Variants in SLC13A1 observed in about 807,000 individuals in gnomAD.
SLC13A1 encodes solute carrier family 13 member 1, also known as Na(+)/sulfate cotransporter.
Under a neutral mutation model 70.0 loss-of-function variants are expected in SLC13A1, and 65 were observed. That is an observed-to-expected ratio of 0.93 (90% CI 0.76 to 1.14). The LOEUF is 1.14. Among genes scored for constraint, SLC13A1 ranks in the 50% most tolerant of loss-of-function variants. The pLI, the probability that SLC13A1 is intolerant of heterozygous loss-of-function variation, is 0.00. For missense variants in SLC13A1, 726 were observed against 717.8 expected (o/e 1.01, Z -0.13); for synonymous variants, 275 against 250.5 (o/e 1.10, Z -0.92).
At chr7:123,175,888 T>G (rs924691075) in intron 2 of SLC13A1, among the ~76,000 whole-genome samples, 13 of 152,206 alleles carry the variant, frequency 8.5e-5, no homozygotes, top group African/African-American at 3.1e-4. Context: ...TATGAGACAT[T>G]CTTGCTGTTA....
In SLC13A1 at chr7:123,168,490, T is replaced by G; in HGVS notation, c.611+14A>C. ...ATTTGGAAAAATCCCAATCAAAATGTCAGTATTCCTTACCCTGGAACTGGT... is the reference window on the plus strand; with the variant it reads ...ATTTGGAAAAATCCCAATCAAAATGGCAGTATTCCTTACCCTGGAACTGGT... On this transcript the variant is annotated intron_variant, in intron 5 of 14. Coordinates refer to ENST00000194130, the MANE Select transcript of SLC13A1 (RefSeq NM_022444.4). 1 of 1,605,356 alleles carries G rather than the reference T, an allele frequency of 6.2e-7. No individual in the cohort carries two copies. The highest frequency in any genetic ancestry group is 8.5e-7 in the Non-Finnish European group (1 of 1,174,054).
chr7:123,123,008 A>C (rs1793435841), intron 12 of SLC13A1, 118 bp downstream of exon 12: 8 of 775,762 alleles, frequency 1.0e-5, no homozygotes, highest in Middle Eastern at 4.7e-4. Context: ...ATAGCTAGCA[A>C]AATTTGCAAC....
rs192534087 is a variant in SLC13A1, at chr7:123,117,080, G to A, written c.1650+391C>T. Among the ~76,000 whole-genome samples, 640 of 152,230 alleles carry A rather than the reference G, an allele frequency of 4.2e-3. 2 individuals carry two copies. Among genetic ancestry groups the A allele is most frequent in the Non-Finnish European group, 6.9e-3 (468 of 68,002 alleles). Reference sequence around the variant, plus strand: ...TCAGAGGAAATGTTGGTGCATAAATGTTTGTGATAGAAAATCACAGTGTTG... The same window carrying A: ...TCAGAGGAAATGTTGGTGCATAAATATTTGTGATAGAAAATCACAGTGTTG... On this transcript the variant is annotated intron_variant, in intron 14 of 14. Transcript: ENST00000194130.
chr7:123,116,708 G>T (rs1220604460), intron 14 of SLC13A1, among the ~76,000 whole-genome samples: 1 of 152,152 alleles, frequency 6.6e-6, no homozygotes, highest in African/African-American at 2.4e-5. Flanking sequence ...GAATGTTTAT[G>T]TTGCAGGAGC....
chr7:123,124,593 G>T (rs891171238), intron 11 of SLC13A1, among the ~76,000 whole-genome samples: 2 of 152,026 alleles, frequency 1.3e-5, no homozygotes, highest in African/African-American at 2.4e-5. Flanking sequence ...CAAATTAGTT[G>T]TCCCACATTG....
intron 7 of SLC13A1, among the ~76,000 whole-genome samples, chr7:123,139,395 C>T (rs752663135): frequency 2.6e-5 from 4 of 151,808 alleles, no homozygotes; most frequent in Non-Finnish European, 5.9e-5. Flanking sequence ...TTTGGCTATT[C>T]TGGTTCTTTT....
chr7:123,168,147 GA>G (rs1795134006), intron 6 of SLC13A1, among the ~76,000 whole-genome samples: 1 of 152,134 alleles, frequency 6.6e-6, no homozygotes. Flanking sequence ...GGTAAAAAGA[GA>G]AAATAATGAT....
intron 1 of SLC13A1, among the ~76,000 whole-genome samples, chr7:123,199,152 C>G (rs1241268115): frequency 6.6e-6 from 1 of 152,092 alleles, no homozygotes; most frequent in South Asian, 2.1e-4. Context: ...TAAATGTTTG[C>G]TGATTCAAAT....
At position 123,183,409 on chromosome 7, in the gene SLC13A1, A is replaced by T. The variant is rs138467065; in HGVS notation, c.100-2308T>A. Among the ~76,000 whole-genome samples the T allele has an allele frequency of 8.4e-3, 1,273 of 152,156 alleles. 19 individuals are homozygous for T. The highest frequency in any genetic ancestry group is 0.028 in the African/African-American group (1,182 of 41,502). On this transcript the variant is annotated intron_variant, in intron 1 of 14. Coordinates refer to ENST00000194130, the MANE Select transcript of SLC13A1 (RefSeq NM_022444.4). Reference sequence around the variant, plus strand: ...TCTCCAGGGTCACCTTTAGAGATTGACTTGTATTTTTTCAGTTCTATACAG... The same window carrying T: ...TCTCCAGGGTCACCTTTAGAGATTGTCTTGTATTTTTTCAGTTCTATACAG...
At chr7:123,167,294 G>A (rs1795109090) in intron 6 of SLC13A1, among the ~76,000 whole-genome samples, 1 of 151,964 alleles carries the variant, frequency 6.6e-6, no homozygotes, top group African/African-American at 2.4e-5. Context: ...TGTTTTATAG[G>A]AATTATTTCT....
intron 7 of SLC13A1, among the ~76,000 whole-genome samples, chr7:123,134,799 G>A (rs1341834662): frequency 6.6e-6 from 1 of 152,156 alleles, no homozygotes; most frequent in Non-Finnish European, 1.5e-5. Flanking sequence ...AGTGCTTGTG[G>A]AAAAAACCCA....
At position 123,199,846 on chromosome 7, in the gene SLC13A1, A is replaced by C; in HGVS notation, c.99+2T>G. On this transcript the variant is annotated splice_donor_variant, in intron 1 of 14. Coordinates refer to ENST00000194130, the MANE Select transcript of SLC13A1 (RefSeq NM_022444.4). LOFTEE classifies it high-confidence loss of function. ...ACCAGTCTGTTCTCCAGGTTCACTC[A>C]CCTTGGTGTGGAGGACGATGGGCAG... 10 of 1,605,246 alleles carry C rather than the reference A, an allele frequency of 6.2e-6. No individual in the cohort carries two copies. Among genetic ancestry groups the C allele is most frequent in the Non-Finnish European group, 8.5e-6 (10 of 1,172,748 alleles).
At chr7:123,124,210 T>A (rs10253741) in intron 11 of SLC13A1, among the ~76,000 whole-genome samples, 1,570 of 152,186 alleles carry the variant, frequency 0.01, 32 homozygotes, top group African/African-American at 0.036. Context: ...GCAAGGCTCT[T>A]TCTAAGGGAG....
chr7:123,152,225 T>G (rs183905649), intron 6 of SLC13A1, among the ~76,000 whole-genome samples: 1 of 152,156 alleles, frequency 6.6e-6, no homozygotes. Context: ...TCAGGCCACA[T>G]TTTCTTTATC....
Position 123,117,545 on chromosome 7 carries a change from C to A in SLC13A1, c.1576G>T (p.Ala526Ser), listed in dbSNP as rs376970561. The change falls in exon 14 of 15, where the codon GCA (alanine) becomes TCA (serine). Residue 526 changes from alanine to serine, a missense_variant. Coordinates refer to ENST00000194130, the MANE Select transcript of SLC13A1 (RefSeq NM_022444.4). ...GGATTTGCTACTGGTAGGAGGAATG[C>A]AAATGAAGTACACAGAGTAGAAGGT... ...LIPSTLCTSF[A>S]FLLPVANPPN... is the part of the protein sequence containing the mutation. 6.2e-7 allele frequency: 1 copy of A among 1,611,480 alleles called. No homozygotes were observed. The highest frequency in any genetic ancestry group is 8.5e-7 in the Non-Finnish European group (1 of 1,178,378).
intron 6 of SLC13A1, 83 bp from the exon 7 acceptor site, chr7:123,147,393 C>A (rs934254131): frequency 4.8e-6 from 7 of 1,469,250 alleles, no homozygotes; most frequent in Admixed American, 2.0e-5. Flanking sequence ...CCACCCGCAC[C>A]AATTCATATG....
At chr7:123,171,633 G>T in intron 3 of SLC13A1, 135 bp downstream of exon 3, 3 of 876,054 alleles carry the variant, frequency 3.4e-6, no homozygotes, top group African/African-American at 1.7e-5. Flanking sequence ...TTTCATATTT[G>T]CAGAGGAAAA....
intron 6 of SLC13A1, among the ~76,000 whole-genome samples, chr7:123,161,153 T>C (rs1293735393): frequency 1.3e-5 from 2 of 151,404 alleles, no homozygotes; most frequent in African/African-American, 4.8e-5. Context: ...AAAATAGACA[T>C]AGTTTGGAAA....
At chr7:123,180,241 A>G (rs1237007462) in intron 2 of SLC13A1, among the ~76,000 whole-genome samples, 3 of 152,256 alleles carry the variant, frequency 2.0e-5, no homozygotes, top group South Asian at 2.1e-4. Flanking sequence ...AGGGTTTGTT[A>G]AAAAGAAAAT....
Sources: gnomAD v4.1 joint callset for allele counts (sites outside exome capture counted in the v4.1 genomes callset) on GRCh38, gnomAD v4.1.1 for gene constraint, MANE v1.5 for transcripts, NCBI Gene and HGNC (gene_info 2026-07-23, HGNC 2026-07-21) for gene names.